The following USP2 variants were observed in gnomAD, a reference collection of about 807,000 sequenced individuals.
USP2 encodes ubiquitin specific peptidase 2.
A neutral mutation model predicts 72.0 loss-of-function variants in USP2; 33 were observed. That is an observed-to-expected ratio of 0.46 (90% CI 0.35 to 0.61). USP2 has a LOEUF of 0.61. Among genes scored for constraint, USP2 ranks in the 20% least tolerant of loss-of-function variants. The pLI, the probability that USP2 is intolerant of heterozygous loss-of-function variation, is 0.01. For synonymous variants in USP2, 296 were observed against 312.5 expected (o/e 0.95, Z 0.56); for missense variants, 691 against 797.8 (o/e 0.87, Z 1.61).
At chr11:119,356,952 G>C in intron 12 of USP2, 30 bp from the exon 13 acceptor site, 2 of 1,548,856 alleles carry the variant, frequency 1.3e-6, no homozygotes, top group Non-Finnish European at 1.7e-6. Flanking sequence ...TCAGCCCGGA[G>C]CGGGCAGGAC....
intron 2 of USP2, among the ~76,000 whole-genome samples, chr11:119,366,589 AG>A (rs1950855551): frequency 1.3e-5 from 2 of 151,490 alleles, no homozygotes; most frequent in East Asian, 3.9e-4. Flanking sequence ...AACCTCCTCA[AG>A]GGCAGGGTTG....
At position 119,359,038 on chromosome 11, in the gene USP2, G is replaced by A. The variant is rs1304825315; in HGVS notation, c.1158C>T (p.Asn386=). 3 of 1,613,906 alleles carry A rather than the reference G, an allele frequency of 1.9e-6. No homozygotes were observed. Among genetic ancestry groups the A allele is most frequent in the East Asian group, 2.2e-5 (1 of 44,882 alleles). The change falls in exon 6 of 13, where the codon AAC becomes AAT. Residue 386 remains asparagine, a synonymous_variant. Transcript: ENST00000260187. The part of the protein sequence containing the change: ...VTLRPKSNPE[N]LDHLPDDEKG... ...CTCTTACTTACGGAAGATGATCGAG[G>A]TTCTCAGGGTTGGACTTAGGTCTCA...
At chr11:119,363,794 A>C in intron 2 of USP2, 2 of 1,306,992 alleles carry the variant, frequency 1.5e-6, no homozygotes, top group Non-Finnish European at 2.0e-6. Context: ...GAGGCCAGGG[A>C]GAAGGCGGGA....
chr11:119,376,404 A>G, intron 1 of USP2: 8 of 985,650 alleles, frequency 8.1e-6, no homozygotes, highest in Non-Finnish European at 9.6e-6. Context: ...GTGGGAGGCA[A>G]GCCAATTGGC....
Position 119,372,889 on chromosome 11 carries a change from A to G in USP2, c.592T>C (p.Tyr198His). Residue 198 changes from tyrosine (Y) to histidine (H), a missense_variant, in exon 2 of 13, where the codon TAC becomes CAC. Transcript: ENST00000260187. ...TASCPEYLVDYLENYGRKGSA... is the reference protein window; with the variant it reads ...TASCPEYLVDHLENYGRKGSA... The stretch of plus-strand genomic sequence containing the variant: ...CCCTTGCGACCATAGTTCTCCAGGT[A>G]GTCGACCAGGTATTCAGGGCAGCTG... The G allele has an allele frequency of 6.2e-7, 1 of 1,610,070 alleles. No individual in the cohort carries two copies. Among genetic ancestry groups the G allele is most frequent in the Non-Finnish European group, 8.5e-7 (1 of 1,178,484 alleles).
At chr11:119,360,002 C>T (rs1295690005) in intron 3 of USP2, among the ~76,000 whole-genome samples, 182 bp downstream of exon 3, 1 of 152,182 alleles carries the variant, frequency 6.6e-6, no homozygotes, top group Non-Finnish European at 1.5e-5. Flanking sequence ...AGCAGTGCTT[C>T]CTGCTGGGGG....
At chr11:119,365,661 G>T (rs1269964339) in intron 2 of USP2, among the ~76,000 whole-genome samples, 1 of 152,102 alleles carries the variant, frequency 6.6e-6, no homozygotes, top group Admixed American at 6.5e-5. Flanking sequence ...CTTGCATCCA[G>T]CCCCGAAGCC....
chr11:119,358,764 T>C lies in USP2; in HGVS notation c.1237+9A>G, dbSNP rs1179224882. On this transcript the variant is annotated intron_variant, in intron 7 of 12. Coordinates refer to ENST00000260187, the MANE Select transcript of USP2 (RefSeq NM_004205.5). ...GTGAAAACAGGCATCTTCCCTTTCA[T>C]GCGCTTACCCCCGATCCTACTGTCT... 5 of 1,614,150 alleles carry C rather than the reference T, an allele frequency of 3.1e-6. No individual in the cohort carries two copies. Among genetic ancestry groups the C allele is most frequent in the South Asian group, 1.1e-5 (1 of 91,088 alleles).
chr11:119,360,972 C>G (rs986493950), intron 2 of USP2, among the ~76,000 whole-genome samples: 13 of 152,200 alleles, frequency 8.5e-5, no homozygotes, highest in Non-Finnish European at 1.8e-4. Flanking sequence ...TAAAGTAACT[C>G]TCATAAGAGA....
At chr11:119,362,609 T>G (rs1288955073) in intron 2 of USP2, among the ~76,000 whole-genome samples, 1 of 152,008 alleles carries the variant, frequency 6.6e-6, no homozygotes, top group African/African-American at 2.4e-5. Context: ...CCAGGGAAAG[T>G]CAGCACTTTT....
At chr11:119,378,018 T>A (rs1951022402) in intron 1 of USP2, among the ~76,000 whole-genome samples, 1 of 152,072 alleles carries the variant, frequency 6.6e-6, no homozygotes, top group African/African-American at 2.4e-5. Context: ...GGGTTAAGTC[T>A]CTTCCCTCCT....
chr11:119,362,943 G>A (rs1950786034), intron 2 of USP2, among the ~76,000 whole-genome samples: 1 of 152,246 alleles, frequency 6.6e-6, no homozygotes, highest in Non-Finnish European at 1.5e-5. Flanking sequence ...ACCTTCTAGA[G>A]GAGAGGAGCG....
chr11:119,377,801 C>T (rs1020792836), intron 1 of USP2, among the ~76,000 whole-genome samples: 3 of 152,184 alleles, frequency 2.0e-5, no homozygotes, highest in Admixed American at 2.0e-4. Flanking sequence ...GGCTCCCTAA[C>T]CTGCCCAGCC....
At position 119,381,638 on chromosome 11, in the gene USP2, G is replaced by A. The variant is rs986399419; in HGVS notation, c.-207C>T. Reference sequence around the variant, plus strand: ...CCCACCTCCGCCGGGGGCCCAGAAGGGACCTCCCCGGGAAATCGGCGCCAC... The same window carrying A: ...CCCACCTCCGCCGGGGGCCCAGAAGAGACCTCCCCGGGAAATCGGCGCCAC... On this transcript the variant is annotated 5_prime_UTR_variant, in exon 1 of 13. Transcript: ENST00000260187. The A allele has an allele frequency of 1.5e-6, 2 of 1,320,144 alleles. No individual in the cohort carries two copies. Among genetic ancestry groups the A allele is most frequent in the Non-Finnish European group, 2.1e-6 (2 of 956,326 alleles). 81.8% of individuals were successfully genotyped at this position (1,320,144 alleles called of 1,614,324 possible).
chr11:119,367,115 T>TG (rs1482158718), intron 2 of USP2, among the ~76,000 whole-genome samples: 1 of 151,876 alleles, frequency 6.6e-6, no homozygotes, highest in Non-Finnish European at 1.5e-5. Context: ...ATTCTCGGAG[T>TG]GGGATGGATA....
rs1310294320 is a variant in USP2 at position 119,356,075 on chromosome 11, C to T, written c.*760G>A. Reference sequence around the variant, plus strand: ...AAAAAAAAAAAAAAAACCCAAACCCCCAAAACAGAAACTTGTTTTAGATCC... The same window carrying T: ...AAAAAAAAAAAAAAAACCCAAACCCTCAAAACAGAAACTTGTTTTAGATCC... On this transcript the variant is annotated 3_prime_UTR_variant, in exon 13 of 13. Transcript: ENST00000260187. 1 of 151,324 alleles carries T rather than the reference C, an allele frequency of 6.6e-6. No homozygotes were observed. The highest frequency in any genetic ancestry group is 2.4e-5 in the African/African-American group (1 of 41,230). The allele number at this position is 151,324 out of a possible 1,614,324, so 9.4% of individuals were successfully genotyped here. A position where few individuals can be genotyped will look rare whatever the true frequency, so the allele number is the denominator to read the frequency against.
intron 2 of USP2, chr11:119,364,321 G>A: frequency 5.1e-6 from 2 of 389,340 alleles, no homozygotes; most frequent in Non-Finnish European, 7.0e-6. Flanking sequence ...ACGCGGACCC[G>A]AACGAGGCGA....
chr11:119,360,957 A>G (rs11217255), intron 2 of USP2, among the ~76,000 whole-genome samples: 49,153 of 152,076 alleles, frequency 0.32, 8,235 homozygotes, highest in Middle Eastern at 0.41. Context: ...TAGAAGTCCA[A>G]TATATAAAGT....
chr11:119,378,875 G>T, intron 1 of USP2: 1 of 561,284 alleles, frequency 1.8e-6, no homozygotes, highest in Non-Finnish European at 2.3e-6. Context: ...CTCCGGAGGA[G>T]CCTTTGGTCT....
Sources: gnomAD v4.1 joint callset for allele counts (sites outside exome capture counted in the v4.1 genomes callset) on GRCh38, gnomAD v4.1.1 for gene constraint, MANE v1.5 for transcripts, NCBI Gene and HGNC (gene_info 2026-07-23, HGNC 2026-07-21) for gene names.